PDE1A: variants seen among roughly 807,000 people sequenced by gnomAD.
The protein encoded by PDE1A is dual specificity calcium/calmodulin-dependent 3',5'-cyclic nucleotide phosphodiesterase 1A.
PDE1A carries 35 observed loss-of-function variants against 61.7 expected under a neutral mutation model. The ratio of observed to expected loss-of-function variants is 0.57; its 90% CI spans 0.43 to 0.75. The LOEUF is 0.75. PDE1A is among the 30% of genes least tolerant of loss of function. The pLI is 0.00. For synonymous variants in PDE1A, 232 were observed against 213.2 expected (o/e 1.09, Z -0.77); for missense variants, 597 against 630.6 (o/e 0.95, Z 0.57).
chr2:182,532,945 C>CAAAAAA, the PDE1A span, among the ~76,000 whole-genome samples: 3,120 of 21,130 alleles, frequency 0.15, 1,032 homozygotes, highest in Middle Eastern at 0.33. Flanking sequence ...GACTCCGTCT[C>CAAAAAA]AAAAAAAAAA....
chr2:182,683,185 C>G, the PDE1A span, among the ~76,000 whole-genome samples: 2 of 151,444 alleles, frequency 1.3e-5, no homozygotes, highest in African/African-American at 4.9e-5. Flanking sequence ...CTCCGCCCCC[C>G]AGGTTCAAGC....
rs545945640 is a variant in PDE1A, at chr2:182,387,226, C to T, written c.53+39352G>A. ...AGCAGATGCTTGAAGGCAGCATACT[C>T]GTTAAGAGTCATCACCACTCCCTAA... On this transcript the variant is annotated intron_variant, in intron 1 of 13. Coordinates refer to ENST00000351439, the Ensembl canonical transcript of PDE1A. Among the ~76,000 whole-genome samples, 228 of 152,136 alleles carry T rather than the reference C, an allele frequency of 1.5e-3. 2 individuals are homozygous for T. The highest frequency in any genetic ancestry group is 6.8e-3 in the Middle Eastern group (2 of 294).
chr2:182,639,078 C>A, the PDE1A span, among the ~76,000 whole-genome samples: 6 of 152,208 alleles, frequency 3.9e-5, no homozygotes, highest in East Asian at 7.7e-4. Context: ...GAAAACTTAC[C>A]AAAAGAGGAA....
At chr2:182,248,958 A>C (rs539762338) in intron 2 of PDE1A, among the ~76,000 whole-genome samples, 2 of 152,226 alleles carry the variant, frequency 1.3e-5, no homozygotes, top group Admixed American at 6.5e-5. Flanking sequence ...CATTTAACTA[A>C]GTATTTTAAA....
chr2:182,283,376 A>T (rs1192981726), intron 1 of PDE1A, among the ~76,000 whole-genome samples: 1 of 151,850 alleles, frequency 6.6e-6, no homozygotes, highest in Admixed American at 6.6e-5. Flanking sequence ...ATATGAGAAC[A>T]TGGTTTTGGT....
intron 1 of PDE1A, among the ~76,000 whole-genome samples, chr2:182,357,646 T>C (rs1181175244): frequency 1.3e-5 from 2 of 152,176 alleles, no homozygotes; most frequent in Admixed American, 6.5e-5. Flanking sequence ...CTATTTCACA[T>C]ATATCAAATC....
chr2:182,658,002 T>A, the PDE1A span, among the ~76,000 whole-genome samples: 1 of 122,246 alleles, frequency 8.2e-6, no homozygotes, highest in African/African-American at 3.2e-5. Context: ...AGTAATGACA[T>A]AATGTGTGTA....
chr2:182,519,297 C>A (rs1690410905), intron 2 of PDE1A, among the ~76,000 whole-genome samples: 1 of 151,966 alleles, frequency 6.6e-6, no homozygotes, highest in South Asian at 2.1e-4. Context: ...CTTTTTAAAT[C>A]TAATTTATGA....
the PDE1A span, among the ~76,000 whole-genome samples, chr2:182,653,750 G>T: frequency 2.0e-5 from 3 of 152,288 alleles, no homozygotes; most frequent in South Asian, 6.2e-4. Context: ...CCAGCATTCA[G>T]CAGCACTAGT....
chr2:182,636,514 C>A, the PDE1A span, among the ~76,000 whole-genome samples: 1 of 152,132 alleles, frequency 6.6e-6, no homozygotes, highest in African/African-American at 2.4e-5. Context: ...CACCCAGTTT[C>A]CCTTCATCAT....
intron 1 of PDE1A, among the ~76,000 whole-genome samples, chr2:182,281,513 C>CAAT (rs1693804961): frequency 6.6e-6 from 1 of 151,782 alleles, no homozygotes; most frequent in Admixed American, 6.6e-5. Context: ...ATCCAAACTC[C>CAAT]AATAATCAAC....
chr2:182,403,139 G>C (rs1702098644), intron 1 of PDE1A, among the ~76,000 whole-genome samples: 1 of 149,346 alleles, frequency 6.7e-6, no homozygotes, highest in African/African-American at 2.6e-5. Flanking sequence ...TCTAGAACCA[G>C]AAATACCATT....
At chr2:182,542,678 T>A in the PDE1A span, among the ~76,000 whole-genome samples, 2 of 152,198 alleles carry the variant, frequency 1.3e-5, no homozygotes, top group African/African-American at 4.8e-5. Flanking sequence ...CTTGGTTCCA[T>A]GGCATATCAT....
chr2:182,146,539 A>T (rs923936127), downstream of PDE1A, among the ~76,000 whole-genome samples: 1 of 152,118 alleles, frequency 6.6e-6, no homozygotes, highest in African/African-American at 2.4e-5. Context: ...TGGCTGTAGT[A>T]TAGTGGCCTG....
chr2:182,217,666 A>C (rs1272737872), intron 7 of PDE1A, among the ~76,000 whole-genome samples: 17 of 131,872 alleles, frequency 1.3e-4, no homozygotes, highest in East Asian at 2.4e-4. Flanking sequence ...ACACATGAAA[A>C]AATGCTCATC....
chr2:182,540,843 T>G, the PDE1A span, among the ~76,000 whole-genome samples: 1 of 152,164 alleles, frequency 6.6e-6, no homozygotes, highest in African/African-American at 2.4e-5. Context: ...ACTATGTACT[T>G]GTATTACCGT....
chr2:182,589,306 A>AGGAAGGAAGGAAGGAAGGAAGGAAGGAG, the PDE1A span, among the ~76,000 whole-genome samples: 1 of 141,154 alleles, frequency 7.1e-6, no homozygotes, highest in South Asian at 2.4e-4. Flanking sequence ...GAAGGAAGGA[A>AGGAAGGAAGGAAGGAAGGAAGGAAGGAG]GGAAAAAGAG....
At chr2:182,562,270 G>A in the PDE1A span, among the ~76,000 whole-genome samples, 2 of 151,840 alleles carry the variant, frequency 1.3e-5, no homozygotes, top group Non-Finnish European at 2.9e-5. Flanking sequence ...ATGAAGGGTT[G>A]TTGAATTTTG....
intron 13 of PDE1A, among the ~76,000 whole-genome samples, chr2:182,179,816 T>C (rs1393052764): frequency 1.3e-5 from 2 of 152,214 alleles, no homozygotes; most frequent in African/African-American, 4.8e-5. Context: ...AACATCTTTA[T>C]TTTAATGAAC....
Sources: allele counts gnomAD v4.1 joint callset (sites outside exome capture counted in the v4.1 genomes callset), GRCh38; gene constraint gnomAD v4.1.1; transcripts MANE v1.5; gene names NCBI Gene and HGNC (gene_info 2026-07-23, HGNC 2026-07-21).